The following ZZZ3 variants were observed in gnomAD, a reference collection of about 807,000 sequenced individuals.
The protein encoded by ZZZ3 is zinc finger ZZ-type containing 3.
A neutral mutation model predicts 95.2 loss-of-function variants in ZZZ3; 22 were observed. The observed-to-expected ratio is 0.23, with a 90% CI of 0.17 to 0.33. The LOEUF is 0.33. ZZZ3 is among the 10% of genes least tolerant of loss of function. The pLI is 1.00. For synonymous variants in ZZZ3, 335 were observed against 358.9 expected (o/e 0.93, Z 0.75); for missense variants, 885 against 1,066.5 (o/e 0.83, Z 2.37).
intron 12 of ZZZ3, among the ~76,000 whole-genome samples, chr1:77,569,819 C>T (rs895048599): frequency 1.3e-5 from 2 of 152,166 alleles, no homozygotes; most frequent in African/African-American, 4.8e-5. Flanking sequence ...TTTCTAATCA[C>T]TATTCTGCTT....
chr1:77,672,596 A>G (rs1671884021), intron 1 of ZZZ3, among the ~76,000 whole-genome samples: 1 of 152,232 alleles, frequency 6.6e-6, no homozygotes, highest in South Asian at 2.1e-4. Flanking sequence ...GAGCCCAGAA[A>G]TCTATTATTT....
chr1:77,626,007 GA>G (rs1667304069), intron 5 of ZZZ3, among the ~76,000 whole-genome samples: 1 of 150,120 alleles, frequency 6.7e-6, no homozygotes, highest in African/African-American at 2.4e-5. Flanking sequence ...AAAAAAAAAA[GA>G]AAAAAAAGAA....
At position 77,607,824 on chromosome 1, in the gene ZZZ3, G is replaced by A. The variant is rs533587554; in HGVS notation, c.1506-23169C>T. On this transcript the variant is annotated intron_variant, in intron 5 of 14. Transcript: ENST00000370801. ...GTAGTCCCAGCTGTGGGAGGCTGAC[G>A]CAGGAGAATTGCTTGAATCTGGGAG... Among the ~76,000 whole-genome samples the A allele has an allele frequency of 3.6e-4, 55 of 151,702 alleles. 1 individual carries two copies. Among genetic ancestry groups the A allele is most frequent in the Non-Finnish European group, 2.9e-4 (20 of 67,956 alleles).
intron 4 of ZZZ3, among the ~76,000 whole-genome samples, chr1:77,635,040 C>T (rs1668173133): frequency 6.6e-6 from 1 of 152,156 alleles, no homozygotes; most frequent in African/African-American, 2.4e-5. Flanking sequence ...ATTCTGACTC[C>T]TACCCCTAAA....
chr1:77,660,588 A>G (rs560917921), intron 1 of ZZZ3, among the ~76,000 whole-genome samples: 3 of 152,324 alleles, frequency 2.0e-5, no homozygotes, highest in African/African-American at 7.2e-5. Context: ...TTCCCTATGC[A>G]TATACCACAT....
At position 77,563,539 on chromosome 1, in the gene ZZZ3, T is replaced by C. The variant is rs576140897; in HGVS notation, c.*2101A>G. ...AAATGCATTCAAATGGTTTGTCTAT[T>C]CCATTTATATAACAATTGTATCACT... On this transcript the variant is annotated 3_prime_UTR_variant, in exon 15 of 15. Transcript: ENST00000370801. The C allele has an allele frequency of 6.3e-4, 96 of 152,346 alleles. No homozygotes were observed. The highest frequency in any genetic ancestry group is 2.2e-3 in the African/African-American group (93 of 41,578). 9.4% of individuals were successfully genotyped at this position (152,346 alleles called of 1,614,324 possible).
chr1:77,683,100 AG>A (rs1672957744), upstream of ZZZ3, among the ~76,000 whole-genome samples: 2 of 5,112 alleles, frequency 3.9e-4, no homozygotes, highest in Non-Finnish European at 7.2e-4. Flanking sequence ...TCGCCGTCGC[AG>A]CCGTCGCAGC....
At chr1:77,625,182 A>T (rs1667227534) in intron 5 of ZZZ3, among the ~76,000 whole-genome samples, 1 of 152,216 alleles carries the variant, frequency 6.6e-6, no homozygotes, top group Non-Finnish European at 1.5e-5. Context: ...ATTGTTTTAG[A>T]TGGGGTTTAT....
chr1:77,670,857 A>G (rs1671718927), intron 1 of ZZZ3, among the ~76,000 whole-genome samples: 1 of 152,068 alleles, frequency 6.6e-6, no homozygotes, highest in African/African-American at 2.4e-5. Context: ...AGACTCTGCA[A>G]AAACTACAAC....
chr1:77,675,723 A>G (rs527517979), intron 1 of ZZZ3, among the ~76,000 whole-genome samples: 124 of 152,342 alleles, frequency 8.1e-4, no homozygotes, highest in Admixed American at 1.2e-3. Context: ...CATTTAATAA[A>G]ATTAACAGCT....
At chr1:77,573,306 G>C (rs955774244) in intron 12 of ZZZ3, among the ~76,000 whole-genome samples, 1 of 150,844 alleles carries the variant, frequency 6.6e-6, no homozygotes, top group Non-Finnish European at 1.5e-5. Flanking sequence ...TTTTTAAGTA[G>C]AGATGAGGTT....
At chr1:77,673,811 T>G (rs1342930112) in intron 1 of ZZZ3, among the ~76,000 whole-genome samples, 1 of 152,210 alleles carries the variant, frequency 6.6e-6, no homozygotes, top group Non-Finnish European at 1.5e-5. Context: ...TAAATTGGAA[T>G]CTTTTTCTTG....
At chr1:77,615,552 T>C (rs978132748) in intron 5 of ZZZ3, among the ~76,000 whole-genome samples, 1 of 152,168 alleles carries the variant, frequency 6.6e-6, no homozygotes, top group African/African-American at 2.4e-5. Context: ...AATTTATGAG[T>C]CACATTTAGT....
At chr1:77,608,811 G>A (rs989234466) in intron 5 of ZZZ3, among the ~76,000 whole-genome samples, 42 of 152,166 alleles carry the variant, frequency 2.8e-4, no homozygotes, top group Non-Finnish European at 5.6e-4. Flanking sequence ...GCAGTGTGAA[G>A]TTGTTATCAG....
In ZZZ3 at chr1:77,577,934, T is replaced by A. The variant is rs147624403; in HGVS notation, c.2178+840A>T. Among the ~76,000 whole-genome samples, 6 of 152,190 alleles carry A rather than the reference T, an allele frequency of 3.9e-5. No homozygotes were observed. The East Asian group carries it at 1.2e-3, about 30-fold the overall frequency. On this transcript the variant is annotated intron_variant, in intron 11 of 14. Coordinates refer to ENST00000370801, the MANE Select transcript of ZZZ3 (RefSeq NM_015534.6). Reference sequence around the variant, plus strand: ...GTGCCCGGCCGAAACTGGCTACATTTTAATGTAGTGTCCTGTTTGGGAAAG... The same window carrying A: ...GTGCCCGGCCGAAACTGGCTACATTATAATGTAGTGTCCTGTTTGGGAAAG...
chr1:77,669,002 TTG>T (rs775340744), intron 1 of ZZZ3, among the ~76,000 whole-genome samples: 4 of 152,044 alleles, frequency 2.6e-5, no homozygotes, highest in Admixed American at 6.6e-5. Flanking sequence ...TCAGATATTT[TTG>T]TGTTACAAAA....
At chr1:77,624,312 T>G (rs916119113) in intron 5 of ZZZ3, among the ~76,000 whole-genome samples, 6 of 152,156 alleles carry the variant, frequency 3.9e-5, no homozygotes, top group Non-Finnish European at 7.3e-5. Flanking sequence ...GACCCTTTTG[T>G]TCTAATAAAG....
chr1:77,681,813 C>T (rs545739580), intron 1 of ZZZ3, among the ~76,000 whole-genome samples: 39 of 151,194 alleles, frequency 2.6e-4, no homozygotes, highest in Middle Eastern at 3.4e-3. Flanking sequence ...GCAGGAGAAT[C>T]GCTTGAACCC....
At position 77,563,493 on chromosome 1, in the gene ZZZ3, C is replaced by CA. The variant is rs1660584114; in HGVS notation, c.*2146dup. 6.6e-6 allele frequency: 1 copy of CA among 152,110 alleles called. No homozygotes were observed. 9.4% of individuals were successfully genotyped at this position (152,110 alleles called of 1,614,324 possible). On this transcript the variant is annotated 3_prime_UTR_variant, in exon 15 of 15. Transcript: ENST00000370801. ...AAAAATCTTCTTAACTCAAAAATCT[C>CA]AAAAAATGTTTGCCCTAGAAAAATG...
Sources: gnomAD v4.1 joint callset for allele counts (sites outside exome capture counted in the v4.1 genomes callset) on GRCh38, gnomAD v4.1.1 for gene constraint, MANE v1.5 for transcripts, NCBI Gene and HGNC (gene_info 2026-07-23, HGNC 2026-07-21) for gene names.